The following CFLAR variants were observed in gnomAD, a reference collection of about 807,000 sequenced individuals.
CFLAR encodes the protein CASP8 and FADD like apoptosis regulator.
CFLAR carries 14 observed loss-of-function variants against 51.1 expected under a neutral mutation model. The observed-to-expected ratio is 0.27, with a 90% CI of 0.18 to 0.43. The LOEUF is 0.43. Ranked by LOEUF, CFLAR falls within the 20% of genes least tolerant of loss-of-function variation. The probability of loss-of-function intolerance (pLI) is 1.00; values close to 1 mark genes in which losing one functional copy is unlikely to be tolerated. For missense variants in CFLAR, 390 were observed against 566.5 expected, an observed-to-expected ratio of 0.69 and a Z score of 3.16; for synonymous variants, 210 against 211.6, an observed-to-expected ratio of 0.99 and a Z score of 0.06.
At chr2:201,133,912 C>CAG (rs2049685773) in intron 3 of CFLAR, among the ~76,000 whole-genome samples, 1 of 106,206 alleles carries the variant, frequency 9.4e-6, no homozygotes. Flanking sequence ...GCCTGGGTGA[C>CAG]AGCAAGACTC....
In CFLAR at chr2:201,138,199, A is replaced by G; in HGVS notation, c.523+2092A>G. 2.0e-6 allele frequency: 2 copies of G among 990,808 alleles called. No homozygotes were observed. The highest frequency in any genetic ancestry group is 3.2e-6 in the Non-Finnish European group (2 of 616,510). The allele number at this position is 990,808 out of a possible 1,614,324, so 61.4% of individuals were successfully genotyped here. A position where few individuals can be genotyped will look rare whatever the true frequency, so the allele number is the denominator to read the frequency against. ...GGTGGGGTTACTTTTGTTTGATGTA[A>G]TGCACCATGGCGATCTGATACACCG... On this transcript the variant is annotated intron_variant, in intron 4 of 9. Transcript: ENST00000309955. The surrounding 1 kb of genome is among the most constrained non-coding windows in gnomAD (Gnocchi z 4.0).
rs1938396065 is a variant in CFLAR, at chr2:201,140,372, C to G, written c.539C>G (p.Thr180Arg). 1 of 1,609,062 alleles carries G rather than the reference C, an allele frequency of 6.2e-7. No individual in the cohort carries two copies. Among genetic ancestry groups the G allele is most frequent in the Non-Finnish European group, 8.5e-7 (1 of 1,178,076 alleles). The change falls in exon 5 of 10, where the codon ACA (threonine) becomes AGA (arginine). Residue 180 changes from threonine to arginine, a missense_variant. By Grantham distance (71) the Thr-to-Arg change is moderately conservative. Transcript: ENST00000309955. ...KYKQSVQGAG[T>R]SYRNVLQAAI... ...GCTTTTATAGTTCAAGGAGCAGGGACAAGTTACAGGAATGTTCTCCAAGCA... is the reference window on the plus strand; with the variant it reads ...GCTTTTATAGTTCAAGGAGCAGGGAGAAGTTACAGGAATGTTCTCCAAGCA...
chr2:201,159,671 C>T (rs1459138171), intron 8 of CFLAR, among the ~76,000 whole-genome samples: 2 of 152,156 alleles, frequency 1.3e-5, no homozygotes, highest in Non-Finnish European at 2.9e-5. Flanking sequence ...AAGCCTTTTC[C>T]TTTTACCGAT....
At chr2:201,150,623 T>C (rs1941128006) in intron 8 of CFLAR, 1 of 152,246 alleles carries the variant, frequency 6.6e-6, no homozygotes, top group African/African-American at 2.4e-5. Context: ...GGCTCCATTA[T>C]CTTCTGAGGT....
chr2:201,133,948 A>G (rs1013093062), intron 3 of CFLAR, among the ~76,000 whole-genome samples: 2 of 150,854 alleles, frequency 1.3e-5, no homozygotes, highest in Admixed American at 1.3e-4. Context: ...AAAAAAAAAA[A>G]AAAATGAAGA....
Position 201,171,117 on chromosome 2 carries a change from A to T in CFLAR, c.*7144A>T, listed in dbSNP as rs1181227956. 6.6e-6 allele frequency: 1 copy of T among 152,212 alleles called. No individual in the cohort carries two copies. Among genetic ancestry groups the T allele is most frequent in the Non-Finnish European group, 1.5e-5 (1 of 68,060 alleles). The allele number at this position is 152,212 out of a possible 1,614,324, so 9.4% of individuals were successfully genotyped here. A position where few individuals can be genotyped will look rare whatever the true frequency, so the allele number is the denominator to read the frequency against. On this transcript the variant is annotated 3_prime_UTR_variant, in exon 10 of 10. Transcript: ENST00000309955. ...ATAAGCTATGAGGATGCAAAGGCAT[A>T]AGAAGGATACAATGGACTTTGGGGA... is the stretch of plus-strand genomic sequence containing the variant.
chr2:201,130,171 C>A (rs1460869228), intron 2 of CFLAR, 25 bp downstream of exon 2: 5 of 142,978 alleles, frequency 3.5e-5, no homozygotes, highest in Middle Eastern at 4.1e-3. Context: ...CTTCCTGAGG[C>A]TGGGTGGGTG....
chr2:201,137,094 G>A (rs1454266681), intron 4 of CFLAR: 9 of 179,050 alleles, frequency 5.0e-5, no homozygotes, highest in African/African-American at 1.7e-4. Flanking sequence ...CATGCCTGAG[G>A]GGGCAGCGGC....
In CFLAR at chr2:201,167,872, T is replaced by C. The variant is rs1358989449; in HGVS notation, c.*3899T>C. The C allele has an allele frequency of 3.3e-5, 5 of 152,230 alleles. No homozygotes were observed. The highest frequency in any genetic ancestry group is 1.2e-4 in the African/African-American group (5 of 41,456). 9.4% of individuals were successfully genotyped at this position (152,230 alleles called of 1,614,324 possible). ...GCCCTAATTACCTACCTCTGGACTT[T>C]TATGTGAGGGGAAAAAAAATTGACA... is the stretch of plus-strand genomic sequence containing the variant. On this transcript the variant is annotated 3_prime_UTR_variant, in exon 10 of 10. Transcript: ENST00000309955.
At chr2:201,152,664 A>G (rs1050763660) in intron 8 of CFLAR, among the ~76,000 whole-genome samples, 1 of 152,106 alleles carries the variant, frequency 6.6e-6, no homozygotes, top group Admixed American at 6.6e-5. Flanking sequence ...ATCCCCATAG[A>G]CTGAGGCGCA....
intron 1 of CFLAR, among the ~76,000 whole-genome samples, chr2:201,125,446 C>T (rs1207171422): frequency 6.6e-6 from 1 of 152,008 alleles, no homozygotes; most frequent in Non-Finnish European, 1.5e-5. Context: ...CACATGTTTA[C>T]AAGCTGGGAG....
chr2:201,163,053 C>T (rs779872106), intron 9 of CFLAR: 30 of 756,776 alleles, frequency 4.0e-5, no homozygotes, highest in Non-Finnish European at 5.8e-5. Context: ...TTTCAAGCCT[C>T]GGATGCATCT....
chr2:201,167,083 ATTTC>A lies in CFLAR; in HGVS notation c.*3113_*3116del, dbSNP rs1559268761. ...TATTTTATGATTTATTTATTTTTCT[ATTTC>A]TTGAGGTTTTAACTGATGTGTATCT... On this transcript the variant is annotated 3_prime_UTR_variant, in exon 10 of 10. Transcript: ENST00000309955. 1.7e-5 allele frequency: 2 copies of A among 114,630 alleles called. No homozygotes were observed. The highest frequency in any genetic ancestry group is 2.5e-4 in the South Asian group (1 of 4,060). The allele number at this position is 114,630 out of a possible 1,614,324, so 7.1% of individuals were successfully genotyped here. A position where few individuals can be genotyped will look rare whatever the true frequency, so the allele number is the denominator to read the frequency against.
Position 201,138,091 on chromosome 2 carries a change from G to T in CFLAR, c.523+1984G>T. ...ATGTAGATGGAGCCGCGCAGTCCAT[G>T]CCCCTGCCCAGCCCATCCACACCAG... is the stretch of plus-strand genomic sequence containing the variant. On this transcript the variant is annotated intron_variant, in intron 4 of 9. Transcript: ENST00000309955. The surrounding 1 kb of genome is among the most constrained non-coding windows in gnomAD (Gnocchi z 4.0). 2.7e-6 allele frequency: 2 copies of T among 744,716 alleles called. No individual in the cohort carries two copies. Among genetic ancestry groups the T allele is most frequent in the Non-Finnish European group, 5.0e-6 (2 of 400,644 alleles). The allele number at this position is 744,716 out of a possible 1,614,324, so 46.1% of individuals were successfully genotyped here. A position where few individuals can be genotyped will look rare whatever the true frequency, so the allele number is the denominator to read the frequency against.
intron 2 of CFLAR, chr2:201,132,720 T>C (rs186376733): frequency 6.0e-4 from 161 of 267,132 alleles, no homozygotes; most frequent in Admixed American, 8.8e-4. Flanking sequence ...GTCATTTCAC[T>C]GTAACCTCTG....
At chr2:201,160,116 T>C (rs2125925819) in intron 8 of CFLAR, among the ~76,000 whole-genome samples, 1 of 152,232 alleles carries the variant, frequency 6.6e-6, no homozygotes, top group South Asian at 2.1e-4. Context: ...AATAAGAAGA[T>C]TGTTGAAGAA....
In CFLAR at chr2:201,166,488, C is replaced by T. The variant is rs190919579; in HGVS notation, c.*2515C>T. The T allele has an allele frequency of 3.2e-3, 550 of 172,098 alleles. 4 individuals carry two copies. Among genetic ancestry groups the T allele is most frequent in the African/African-American group, 0.011 (468 of 41,580 alleles). 10.7% of individuals were successfully genotyped at this position (172,098 alleles called of 1,614,324 possible). A position where few individuals can be genotyped will look rare whatever the true frequency, so the allele number is the denominator to read the frequency against. ...GCTCCTCACATCCCAGACGGGGGGG[C>T]GGGGCAGAGGCGCTCCCCACATCTC... On this transcript the variant is annotated 3_prime_UTR_variant, in exon 10 of 10. Coordinates refer to ENST00000309955, the MANE Select transcript of CFLAR (RefSeq NM_003879.7).
chr2:201,137,704 T>TGGAC, intron 4 of CFLAR: 1 of 768,278 alleles, frequency 1.3e-6, no homozygotes, highest in South Asian at 1.3e-5. Flanking sequence ...AACTTCTGAA[T>TGGAC]GGACCCTTTG....
chr2:201,140,206 G>T, intron 4 of CFLAR, 151 bp from the exon 5 acceptor site: 1 of 869,078 alleles, frequency 1.2e-6, no homozygotes, highest in Non-Finnish European at 1.7e-6. Context: ...TTTGGTCGAA[G>T]AGTCATCTGA....
Sources: allele counts gnomAD v4.1 joint callset (sites outside exome capture counted in the v4.1 genomes callset), GRCh38; gene constraint gnomAD v4.1.1; non-coding constraint Gnocchi (gnomAD v3.1); transcripts MANE v1.5; gene names NCBI Gene and HGNC (gene_info 2026-07-23, HGNC 2026-07-21).